The following KIF23 variants were observed in gnomAD, a reference collection of about 807,000 sequenced individuals.
KIF23 encodes kinesin-like protein KIF23.
A neutral mutation model predicts 137.5 loss-of-function variants in KIF23; 30 were observed. The observed-to-expected ratio is 0.22, with a 90% CI of 0.16 to 0.30. The LOEUF (loss-of-function observed/expected upper bound fraction) is 0.30. Among genes scored for constraint, KIF23 ranks in the 10% least tolerant of loss-of-function variants. KIF23 has a pLI of 1.00. For missense variants in KIF23, 920 were observed against 1,194.3 expected (o/e 0.77, Z 3.38); for synonymous variants, 367 against 391.1 (o/e 0.94, Z 0.73).
chr15:69,417,438 T>C lies in KIF23; in HGVS notation c.137T>C (p.Val46Ala). ...GFPDQECCIE[V>A]INNTTVQLHT... Reference sequence around the variant, plus strand: ...CCTGATCAAGAGTGTTGCATAGAAGTGATCAATAATACAACTGTTCAGCTT... The same window carrying C: ...CCTGATCAAGAGTGTTGCATAGAAGCGATCAATAATACAACTGTTCAGCTT... The change falls in exon 3 of 24, where the codon GTG (valine) becomes GCG (alanine). Residue 46 changes from valine (V) to alanine (A), a missense_variant. Val to Ala is a moderately conservative substitution (Grantham distance 64). This residue lies in a region of KIF23 where 124 missense variants were observed against 122.0 expected (regional missense o/e 1.02). Transcript: ENST00000679126. 1 of 1,613,884 alleles carries C rather than the reference T, an allele frequency of 6.2e-7. No homozygotes were observed. Among genetic ancestry groups the C allele is most frequent in the Non-Finnish European group, 8.5e-7 (1 of 1,179,848 alleles).
At chr15:69,419,978 A>G (rs746565445) in intron 3 of KIF23, among the ~76,000 whole-genome samples, 9 of 152,164 alleles carry the variant, frequency 5.9e-5, no homozygotes, top group Non-Finnish European at 1.2e-4. Flanking sequence ...TGAAAAGAGC[A>G]TTGCTGCCGG....
chr15:69,421,802 C>A, intron 4 of KIF23, 50 bp downstream of exon 4: 1 of 1,382,214 alleles, frequency 7.2e-7, no homozygotes, highest in Non-Finnish European at 1.0e-6. Flanking sequence ...TTCTCCTCTT[C>A]TGATAAAACT....
intron 8 of KIF23, 84 bp downstream of exon 8, chr15:69,425,407 G>A: frequency 1.6e-6 from 2 of 1,228,912 alleles, no homozygotes; most frequent in Non-Finnish European, 2.3e-6. Flanking sequence ...TTGCATGTAG[G>A]TTATTTTCCA....
intron 3 of KIF23, among the ~76,000 whole-genome samples, chr15:69,418,377 C>T (rs962069896): frequency 2.6e-5 from 4 of 152,174 alleles, no homozygotes; most frequent in African/African-American, 9.7e-5. Context: ...TTGGATGTCA[C>T]ATGTGCATCT....
At chr15:69,434,016 G>T (rs2057414695) in intron 11 of KIF23, among the ~76,000 whole-genome samples, 1 of 152,286 alleles carries the variant, frequency 6.6e-6, no homozygotes, top group South Asian at 2.1e-4. Flanking sequence ...TGATTTAGTG[G>T]CTCTGGGATG....
intron 15 of KIF23, among the ~76,000 whole-genome samples, chr15:69,437,521 C>A (rs150617571): frequency 7.1e-6 from 1 of 139,972 alleles, no homozygotes; most frequent in South Asian, 2.2e-4. Context: ...AGTGCAATGG[C>A]GCAATCTCGG....
In KIF23 at chr15:69,422,487, C is replaced by A. The variant is rs143168640; in HGVS notation, c.563+52C>A. 1.7e-3 allele frequency: 1,745 copies of A among 1,053,888 alleles called. 3 individuals carry two copies. The highest frequency in any genetic ancestry group is 2.1e-3 in the Non-Finnish European group (1,431 of 678,378). The allele number at this position is 1,053,888 out of a possible 1,614,324, so 65.3% of individuals were successfully genotyped here. A position where few individuals can be genotyped will look rare whatever the true frequency, so the allele number is the denominator to read the frequency against. ...CTGGCCTAGGGGCACAGGATTCTTT[C>A]CTGTGGTTTGCCCAGACATGAGGAA... is the stretch of plus-strand genomic sequence containing the variant. On this transcript the variant is annotated intron_variant, in intron 6 of 23. Coordinates refer to ENST00000679126, the MANE Select transcript of KIF23 (RefSeq NM_001367805.3).
At chr15:69,426,655 A>G in intron 10 of KIF23, 198 bp downstream of exon 10, 1 of 573,084 alleles carries the variant, frequency 1.7e-6, no homozygotes, top group Middle Eastern at 4.7e-4. Flanking sequence ...TGGGAGGCAG[A>G]GGTACAGTGA....
intron 15 of KIF23, among the ~76,000 whole-genome samples, 182 bp downstream of exon 15, chr15:69,436,904 G>A (rs759846191): frequency 2.0e-5 from 3 of 151,924 alleles, no homozygotes; most frequent in Admixed American, 6.6e-5. Context: ...ACAGGCACAT[G>A]CCACCACGCC....
chr15:69,440,742 C>T (rs373682966), intron 18 of KIF23, 26 bp from the exon 19 acceptor site: 32 of 1,561,486 alleles, frequency 2.0e-5, no homozygotes, highest in South Asian at 7.0e-5. Flanking sequence ...CAGTCTTGCT[C>T]ATTAATTTTT....
At chr15:69,438,075 C>T (rs2057525044) in intron 15 of KIF23, among the ~76,000 whole-genome samples, 173 bp from the exon 16 acceptor site, 1 of 152,178 alleles carries the variant, frequency 6.6e-6, no homozygotes, top group Non-Finnish European at 1.5e-5. Context: ...AATATCTTGT[C>T]AACTGGAGAA....
At chr15:69,440,259 C>A in intron 17 of KIF23, 49 bp from the exon 18 acceptor site, 3 of 1,566,534 alleles carry the variant, frequency 1.9e-6, no homozygotes, top group African/African-American at 1.4e-5. Flanking sequence ...CTGGTGTACT[C>A]GTTTGCTGTG....
intron 19 of KIF23, among the ~76,000 whole-genome samples, chr15:69,442,540 G>A (rs951205072): frequency 2.6e-5 from 4 of 152,188 alleles, no homozygotes; most frequent in Admixed American, 6.5e-5. Flanking sequence ...ATTATTAAGG[G>A]ATGGTGATGA....
At position 69,448,061 on chromosome 15, in the gene KIF23, A is replaced by G. The variant is rs1596033294; in HGVS notation, c.*254A>G. The G allele has an allele frequency of 6.2e-6, 2 of 320,402 alleles. No individual in the cohort carries two copies. Among genetic ancestry groups the G allele is most frequent in the East Asian group, 9.5e-5 (2 of 21,040 alleles). 19.8% of individuals were successfully genotyped at this position (320,402 alleles called of 1,614,324 possible). A position where few individuals can be genotyped will look rare whatever the true frequency, so the allele number is the denominator to read the frequency against. On this transcript the variant is annotated 3_prime_UTR_variant, in exon 24 of 24. Coordinates refer to ENST00000679126, the MANE Select transcript of KIF23 (RefSeq NM_001367805.3). Reference sequence around the variant, plus strand: ...ATAGCAGAGGAAGACTCCTTTTTTCATCACTGTATGAATTTTTTATAATGT... The same window carrying G: ...ATAGCAGAGGAAGACTCCTTTTTTCGTCACTGTATGAATTTTTTATAATGT...
At chr15:69,422,997 C>G (rs540239311) in intron 6 of KIF23, 162 bp from the exon 7 acceptor site, 176 of 521,710 alleles carry the variant, frequency 3.4e-4, no homozygotes, top group Non-Finnish European at 5.4e-4. Context: ...CGGGGTTTCA[C>G]CATGTTGGCC....
chr15:69,434,860 C>T (rs1164542274), intron 11 of KIF23: 8 of 786,890 alleles, frequency 1.0e-5, no homozygotes, highest in Middle Eastern at 2.4e-4. Flanking sequence ...TAGCTGCTCA[C>T]GTAGTCCATA....
At chr15:69,435,338 G>A (rs953555575) in intron 11 of KIF23, 145 bp from the exon 12 acceptor site, 2 of 632,934 alleles carry the variant, frequency 3.2e-6, no homozygotes, top group Non-Finnish European at 2.7e-6. Flanking sequence ...TGCATAGACA[G>A]CTCTTTATAT....
chr15:69,434,915 G>A (rs768319230), intron 11 of KIF23: 22 of 704,172 alleles, frequency 3.1e-5, no homozygotes, highest in Non-Finnish European at 4.9e-5. Context: ...GCTCCAGCTC[G>A]TGGTGCAGGT....
chr15:69,426,614 G>A, intron 10 of KIF23, 157 bp downstream of exon 10: 2 of 705,400 alleles, frequency 2.8e-6, no homozygotes, highest in Non-Finnish European at 4.7e-6. Flanking sequence ...CCAGCTACTT[G>A]TGTACCTGAG....
Sources: gnomAD v4.1 joint callset for allele counts (sites outside exome capture counted in the v4.1 genomes callset) on GRCh38, gnomAD v4.1.1 for gene constraint, gnomAD v4.1.1 regional missense constraint, MANE v1.5 for transcripts, NCBI Gene and HGNC (gene_info 2026-07-23, HGNC 2026-07-21) for gene names.